The following DLGAP2 variants were observed in gnomAD, a reference collection of about 807,000 sequenced individuals.
DLGAP2 encodes the protein disks large-associated protein 2.
Under a neutral mutation model 100.3 loss-of-function variants are expected in DLGAP2, and 26 were observed. The observed-to-expected ratio is 0.26, with a 90% CI of 0.19 to 0.36. The LOEUF (loss-of-function observed/expected upper bound fraction) is 0.36, where lower values mean the gene tolerates loss of function less well. Ranked by LOEUF, DLGAP2 falls within the 10% of genes least tolerant of loss-of-function variation. The pLI is 1.00. For missense variants in DLGAP2, 1,858 were observed against 1,453.2 expected (o/e 1.28, Z -4.53); for synonymous variants, 886 against 630.1 (o/e 1.41, Z -6.08).
intron 1 of DLGAP2, among the ~76,000 whole-genome samples, chr8:749,843 C>A (rs1392436363): frequency 6.6e-6 from 1 of 152,176 alleles, no homozygotes; most frequent in Non-Finnish European, 1.5e-5. Context: ...CCTGCTCCCT[C>A]CAGAGGTGTG....
intron 2 of DLGAP2, among the ~76,000 whole-genome samples, chr8:1,151,411 T>A (rs1421866566): frequency 6.6e-6 from 1 of 152,164 alleles, no homozygotes; most frequent in East Asian, 1.9e-4. Flanking sequence ...TGCAGAGAAG[T>A]CACTGTACAG....
intron 3 of DLGAP2, among the ~76,000 whole-genome samples, chr8:1,306,195 C>T (rs946315588): frequency 6.6e-6 from 1 of 151,764 alleles, no homozygotes; most frequent in Non-Finnish European, 1.5e-5. Context: ...AAGATTCCCC[C>T]CCACCCACAC....
At chr8:1,596,811 T>C (rs1299859000) in intron 6 of DLGAP2, among the ~76,000 whole-genome samples, 1 of 152,192 alleles carries the variant, frequency 6.6e-6, no homozygotes, top group Non-Finnish European at 1.5e-5. Context: ...AAACATTTTC[T>C]CCCATTCTGT....
rs1181541890 is a variant in DLGAP2, at chr8:1,703,740, G to A, written c.*2334G>A. 1 of 152,274 alleles carries A rather than the reference G, an allele frequency of 6.6e-6. No individual in the cohort carries two copies. The highest frequency in any genetic ancestry group is 2.4e-5 in the African/African-American group (1 of 41,448). The allele number at this position is 152,274 out of a possible 1,614,324, so 9.4% of individuals were successfully genotyped here. ...CAGATTCTATGATCCCTGCTTAAAA[G>A]AAAATGTTCACTGCATGTAGGTTGA... On this transcript the variant is annotated 3_prime_UTR_variant, in exon 15 of 15. Coordinates refer to ENST00000637795, the MANE Select transcript of DLGAP2 (RefSeq NM_001346810.2).
intron 3 of DLGAP2, among the ~76,000 whole-genome samples, chr8:1,439,815 T>A (rs1416956156): frequency 6.6e-6 from 1 of 152,136 alleles, no homozygotes; most frequent in African/African-American, 2.4e-5. Flanking sequence ...GCCTGGCATT[T>A]GAGGGCAGAG....
chr8:1,205,234 T>G (rs1410505359), intron 2 of DLGAP2, among the ~76,000 whole-genome samples: 1 of 152,218 alleles, frequency 6.6e-6, no homozygotes, highest in Non-Finnish European at 1.5e-5. Context: ...GTCAATGCTC[T>G]GCCTCAGTAA....
chr8:1,286,241 G>A (rs1055244252), intron 3 of DLGAP2, among the ~76,000 whole-genome samples: 2 of 152,184 alleles, frequency 1.3e-5, no homozygotes, highest in African/African-American at 2.4e-5. Context: ...GTGAAGAGGT[G>A]CCTTCTGCCA....
At chr8:1,337,253 ATGG>A (rs1197987085) in intron 3 of DLGAP2, among the ~76,000 whole-genome samples, 39 of 123,436 alleles carry the variant, frequency 3.2e-4, no homozygotes, top group African/African-American at 1.0e-3. Flanking sequence ...GATGGTGATG[ATGG>A]TGGTGATGAT....
intron 2 of DLGAP2, among the ~76,000 whole-genome samples, chr8:1,111,390 T>G (rs1804954437): frequency 6.6e-6 from 1 of 151,232 alleles, no homozygotes; most frequent in African/African-American, 2.4e-5. Flanking sequence ...GCGTGTTTCT[T>G]TTTTTTTTCT....
In DLGAP2 at chr8:1,546,860, G is replaced by A. The variant is rs78775644; in HGVS notation, c.173-1766G>A. ...GAGCTGGCAGGCAGGAATTCGTTCC[G>A]GGATCCGAGGCATGGAGGTGGTCCA... On this transcript the variant is annotated intron_variant, in intron 4 of 14. Transcript: ENST00000637795. 5.7e-3 allele frequency among the ~76,000 whole-genome samples: 875 copies of A among 152,216 alleles called. 9 individuals carry two copies. The highest frequency in any genetic ancestry group is 0.018 in the African/African-American group (762 of 41,536).
At chr8:810,859 G>A (rs1364455486) in intron 1 of DLGAP2, among the ~76,000 whole-genome samples, 1 of 152,206 alleles carries the variant, frequency 6.6e-6, no homozygotes, top group Non-Finnish European at 1.5e-5. Flanking sequence ...TTAGGGACAT[G>A]TGTTTACACG....
At chr8:1,137,217 G>A (rs748509068) in intron 2 of DLGAP2, 2 of 152,260 alleles carry the variant, frequency 1.3e-5, no homozygotes, top group Non-Finnish European at 2.9e-5. Context: ...CCTGGCATCT[G>A]TTCCCCTTGT....
intron 8 of DLGAP2, among the ~76,000 whole-genome samples, chr8:1,637,079 G>C (rs1386607619): frequency 6.6e-6 from 1 of 152,212 alleles, no homozygotes; most frequent in African/African-American, 2.4e-5. Context: ...TCCGCAGGCA[G>C]GATGTCTCTG....
intron 2 of DLGAP2, among the ~76,000 whole-genome samples, chr8:994,393 T>C (rs544292026): frequency 3.6e-4 from 54 of 152,004 alleles, no homozygotes; most frequent in Non-Finnish European, 6.8e-4. Flanking sequence ...AGAGACGGGT[T>C]TTCTCCATGT....
At position 1,668,452 on chromosome 8, in the gene DLGAP2, G is replaced by A. The variant is rs1396278246; in HGVS notation, c.1934G>A (p.Ser645Asn). 6.3e-7 allele frequency: 1 copy of A among 1,596,956 alleles called. No individual in the cohort carries two copies. The change falls in exon 9 of 15, where the codon AGC becomes AAC. Residue 645 changes from serine (S) to asparagine (N), a missense_variant. Ser to Asn is a conservative substitution (Grantham distance 46). Transcript: ENST00000637795. ...TESTQDAYQDSRAQRMSPWPQ... is the reference protein window; with the variant it reads ...TESTQDAYQDNRAQRMSPWPQ... ...TCCACCCAGGACGCCTACCAGGACAGCCGCGCACAGAGGATGTCCCCGTGG... is the reference window on the plus strand; with the variant it reads ...TCCACCCAGGACGCCTACCAGGACAACCGCGCACAGAGGATGTCCCCGTGG...
intron 2 of DLGAP2, among the ~76,000 whole-genome samples, chr8:1,005,338 C>T (rs1456976685): frequency 6.6e-6 from 1 of 151,870 alleles, no homozygotes; most frequent in Admixed American, 6.6e-5. Flanking sequence ...GAGCCGCGTC[C>T]TTAGCAAGGC....
At chr8:1,188,315 C>A (rs540156531) in intron 2 of DLGAP2, among the ~76,000 whole-genome samples, 2 of 138,412 alleles carry the variant, frequency 1.4e-5, no homozygotes, top group African/African-American at 2.9e-5. Context: ...CCCGGGACTT[C>A]CGTGACGTTT....
intron 1 of DLGAP2, among the ~76,000 whole-genome samples, chr8:744,230 C>A (rs781552488): frequency 9.9e-5 from 15 of 152,142 alleles, no homozygotes; most frequent in Non-Finnish European, 1.9e-4. Flanking sequence ...ACATATACCC[C>A]CGACCCACGA....
intron 1 of DLGAP2, among the ~76,000 whole-genome samples, chr8:840,540 C>T (rs35277484): frequency 0.016 from 642 of 40,370 alleles, 1 homozygote; most frequent in Non-Finnish European, 0.021. Context: ...CACGTCTCCC[C>T]ACACTCTGGA....
Sources: allele counts gnomAD v4.1 joint callset (sites outside exome capture counted in the v4.1 genomes callset), GRCh38; gene constraint gnomAD v4.1.1; transcripts MANE v1.5; gene names NCBI Gene and HGNC (gene_info 2026-07-23, HGNC 2026-07-21).